Variants in CENPW observed in about 807,000 individuals in gnomAD.
CENPW encodes the protein cancer-up-regulated gene 2 protein.
CENPW carries 3 observed loss-of-function variants against 11.1 expected under a neutral mutation model. The ratio of observed to expected loss-of-function variants is 0.27; its 90% confidence interval spans 0.12 to 0.70. The LOEUF (loss-of-function observed/expected upper bound fraction) is 0.70. Among genes scored for constraint, CENPW ranks in the 30% least tolerant of loss-of-function variants. The probability of loss-of-function intolerance (pLI) is 0.77; values close to 1 mark genes in which losing one functional copy is unlikely to be tolerated. For synonymous variants in CENPW, 38 were observed against 42.0 expected, an observed-to-expected ratio of 0.91 and a Z score of 0.37; for missense variants, 100 against 105.6, an observed-to-expected ratio of 0.95 and a Z score of 0.23.
At chr6:126,457,440 C>G in the CENPW span, among the ~76,000 whole-genome samples, 1 of 151,322 alleles carries the variant, frequency 6.6e-6, no homozygotes, top group Non-Finnish European at 1.5e-5. Flanking sequence ...GGCCATTATC[C>G]TAAACAAACT....
the CENPW span, among the ~76,000 whole-genome samples, chr6:126,416,207 G>C: frequency 6.6e-6 from 1 of 152,156 alleles, no homozygotes; most frequent in South Asian, 2.1e-4. Context: ...CATTTTGCCT[G>C]TGCTCTAGGG....
At chr6:126,383,949 T>C in the CENPW span, among the ~76,000 whole-genome samples, 2 of 152,064 alleles carry the variant, frequency 1.3e-5, no homozygotes, top group African/African-American at 4.8e-5. Context: ...AGAATATAGA[T>C]TCTTCTCTGG....
chr6:126,433,915 A>G, the CENPW span, among the ~76,000 whole-genome samples: 1 of 152,136 alleles, frequency 6.6e-6, no homozygotes. Context: ...TTATATATAC[A>G]TAATAAATAT....
At position 126,348,640 on chromosome 6, in the gene CENPW, A is replaced by T. The variant is rs1780454375; in HGVS notation, c.*148A>T. On this transcript the variant is annotated 3_prime_UTR_variant, in exon 3 of 3. Transcript: ENST00000368328. ...TGTTTGTATTTTTTTTCTGGCATGA[A>T]ATATCTCAAGTAAATGCATAGGACT... 2 of 546,586 alleles carry T rather than the reference A, an allele frequency of 3.7e-6. No homozygotes were observed. The highest frequency in any genetic ancestry group is 6.5e-6 in the Non-Finnish European group (2 of 305,970). 33.9% of individuals were successfully genotyped at this position (546,586 alleles called of 1,614,324 possible).
the CENPW span, among the ~76,000 whole-genome samples, chr6:126,396,464 C>G: frequency 6.6e-6 from 1 of 152,156 alleles, no homozygotes. Context: ...TTCCCTCTGT[C>G]CCAGAGAAGG....
the CENPW span, among the ~76,000 whole-genome samples, chr6:126,470,444 A>C: frequency 6.6e-6 from 1 of 152,258 alleles, no homozygotes; most frequent in African/African-American, 2.4e-5. Context: ...CTAGATGTCC[A>C]GGAAGAAGTC....
chr6:126,385,067 TCATAC>T, the CENPW span, among the ~76,000 whole-genome samples: 2 of 152,078 alleles, frequency 1.3e-5, no homozygotes, highest in African/African-American at 4.8e-5. Flanking sequence ...AGATACTGTC[TCATAC>T]CAGTCAGAAT....
the CENPW span, among the ~76,000 whole-genome samples, chr6:126,439,559 T>C: frequency 1.3e-5 from 2 of 151,596 alleles, no homozygotes; most frequent in Admixed American, 1.3e-4. Context: ...ATTTCTTTAT[T>C]ATATTGAAAA....
the CENPW span, among the ~76,000 whole-genome samples, chr6:126,437,352 A>G: frequency 6.6e-6 from 1 of 151,932 alleles, no homozygotes; most frequent in Non-Finnish European, 1.5e-5. Flanking sequence ...TATCTGTATC[A>G]TGCTCATTTT....
the CENPW span, among the ~76,000 whole-genome samples, chr6:126,362,141 G>A: frequency 6.6e-6 from 1 of 152,308 alleles, no homozygotes; most frequent in South Asian, 2.1e-4. Flanking sequence ...CAGTCCTGCA[G>A]GAAAGCCAGT....
At chr6:126,415,137 A>G in the CENPW span, among the ~76,000 whole-genome samples, 1 of 152,114 alleles carries the variant, frequency 6.6e-6, no homozygotes. Flanking sequence ...TCTTGAGTTA[A>G]TTTTTGTGTA....
chr6:126,472,301 T>C, the CENPW span, among the ~76,000 whole-genome samples: 1 of 152,160 alleles, frequency 6.6e-6, no homozygotes, highest in Non-Finnish European at 1.5e-5. Flanking sequence ...TTATGCCTGT[T>C]TGGAATTCTC....
the CENPW span, among the ~76,000 whole-genome samples, chr6:126,449,421 G>GA: frequency 6.6e-6 from 1 of 150,874 alleles, no homozygotes; most frequent in South Asian, 2.1e-4. Flanking sequence ...TTTACAGAAT[G>GA]AAAAAATGAA....
chr6:126,480,028 GA>G, the CENPW span, among the ~76,000 whole-genome samples: 5 of 152,046 alleles, frequency 3.3e-5, no homozygotes, highest in Admixed American at 6.6e-5. Flanking sequence ...ACATGGGTGT[GA>G]ACCTGAGGCC....
At chr6:126,409,388 G>A in the CENPW span, among the ~76,000 whole-genome samples, 1 of 152,238 alleles carries the variant, frequency 6.6e-6, no homozygotes, top group East Asian at 1.9e-4. Context: ...TGAGAAGAAT[G>A]TGAATTCTTC....
At chr6:126,397,602 G>A in the CENPW span, among the ~76,000 whole-genome samples, 1 of 152,174 alleles carries the variant, frequency 6.6e-6, no homozygotes, top group East Asian at 1.9e-4. Context: ...ATCAAATTTA[G>A]CATTCCTGTG....
At chr6:126,422,732 G>A in the CENPW span, among the ~76,000 whole-genome samples, 1 of 152,068 alleles carries the variant, frequency 6.6e-6, no homozygotes, top group Non-Finnish European at 1.5e-5. Context: ...AGGAAGTAGG[G>A]ACTATTATAT....
At chr6:126,403,218 G>A in the CENPW span, among the ~76,000 whole-genome samples, 1 of 151,984 alleles carries the variant, frequency 6.6e-6, no homozygotes, top group Non-Finnish European at 1.5e-5. Context: ...TTGAAATTAG[G>A]CCAATTAATA....
the CENPW span, among the ~76,000 whole-genome samples, chr6:126,413,136 A>C: frequency 6.6e-6 from 1 of 151,878 alleles, no homozygotes. Context: ...ATACCTTTAA[A>C]AATAATAAAA....
Sources: gnomAD v4.1 joint callset for allele counts (sites outside exome capture counted in the v4.1 genomes callset) on GRCh38, gnomAD v4.1.1 for gene constraint, MANE v1.5 for transcripts, NCBI Gene and HGNC (gene_info 2026-07-23, HGNC 2026-07-21) for gene names.